Variants in LINGO2 observed in about 807,000 individuals in gnomAD.
LINGO2 encodes leucine rich repeat and Ig domain containing 2, also known as leucine-rich repeat and immunoglobulin-like domain-containing nogo receptor-interacting protein 2.
A neutral mutation model predicts 30.6 loss-of-function variants in LINGO2; 14 were observed. The ratio of observed to expected loss-of-function variants is 0.46; its 90% CI spans 0.30 to 0.72. LINGO2 has a LOEUF of 0.72. LINGO2 is among the 30% of genes least tolerant of loss of function. The pLI is 0.07. For synonymous variants in LINGO2, 317 were observed against 288.5 expected (o/e 1.10, Z -1.00); for missense variants, 729 against 751.7 (o/e 0.97, Z 0.35).
chr9:28,014,087 T>G (rs1228017995), intron 4 of LINGO2, among the ~76,000 whole-genome samples: 1 of 152,160 alleles, frequency 6.6e-6, no homozygotes, highest in East Asian at 1.9e-4. Context: ...TTGCCACCAC[T>G]GTGTAGGACG....
intron 4 of LINGO2, among the ~76,000 whole-genome samples, chr9:28,173,515 A>T (rs1440073729): frequency 1.3e-5 from 2 of 152,182 alleles, no homozygotes; most frequent in African/African-American, 4.8e-5. Flanking sequence ...CCAATAGACC[A>T]TAAGATGAGC....
chr9:28,100,211 T>C (rs998956812), intron 4 of LINGO2, among the ~76,000 whole-genome samples: 4 of 152,142 alleles, frequency 2.6e-5, no homozygotes, highest in African/African-American at 9.7e-5. Flanking sequence ...AAATCATGAA[T>C]AAAATCAATA....
At chr9:29,158,404 ACTT>A in the LINGO2 span, among the ~76,000 whole-genome samples, 5,057 of 152,144 alleles carry the variant, frequency 0.033, 260 homozygotes, top group African/African-American at 0.11. Flanking sequence ...TCCTTCTATA[ACTT>A]TAGTGATACT....
the LINGO2 span, among the ~76,000 whole-genome samples, chr9:29,083,198 G>C: frequency 6.6e-6 from 1 of 152,152 alleles, no homozygotes; most frequent in African/African-American, 2.4e-5. Context: ...GTCCATCAAT[G>C]ATAGACTGGA....
chr9:28,169,197 T>C (rs746748425), intron 4 of LINGO2, among the ~76,000 whole-genome samples: 1 of 152,112 alleles, frequency 6.6e-6, no homozygotes, highest in Non-Finnish European at 1.5e-5. Flanking sequence ...CTCAATTCAC[T>C]CTCCCACATA....
intron 4 of LINGO2, among the ~76,000 whole-genome samples, chr9:28,094,469 G>A (rs919048426): frequency 6.6e-6 from 1 of 151,850 alleles, no homozygotes; most frequent in African/African-American, 2.4e-5. Flanking sequence ...AAAATCTGTT[G>A]AGCTGTATTT....
intron 4 of LINGO2, among the ~76,000 whole-genome samples, chr9:28,117,353 G>C (rs1826944022): frequency 7.3e-6 from 1 of 136,486 alleles, no homozygotes; most frequent in Non-Finnish European, 1.6e-5. Context: ...AGAGGTTACT[G>C]CTGTCTTTTT....
the LINGO2 span, among the ~76,000 whole-genome samples, chr9:29,121,389 C>G: frequency 6.6e-6 from 1 of 152,024 alleles, no homozygotes; most frequent in Non-Finnish European, 1.5e-5. Flanking sequence ...ATGAATTAAG[C>G]AAAAGCTCTC....
chr9:28,837,820 A>G, the LINGO2 span, among the ~76,000 whole-genome samples: 2 of 150,762 alleles, frequency 1.3e-5, no homozygotes, highest in Admixed American at 6.6e-5. Context: ...CCAGAGAAGG[A>G]TAAGTTAGAA....
chr9:28,681,369 G>A, the LINGO2 span, among the ~76,000 whole-genome samples: 3 of 152,134 alleles, frequency 2.0e-5, no homozygotes, highest in Non-Finnish European at 4.4e-5. Context: ...TCTGAGAAGG[G>A]GCAATGATAG....
At position 28,561,766 on chromosome 9, in the gene LINGO2, T is replaced by C. The variant is rs58387420; in HGVS notation, c.-364-85741A>G. On this transcript the variant is annotated intron_variant, in intron 1 of 5. Transcript: ENST00000379992. ...GTGTGTGTGTATATATATATATATATATATATATATATATAAAAAATATGC... is the reference window on the plus strand; with the variant it reads ...GTGTGTGTGTATATATATATATATACATATATATATATATAAAAAATATGC... Among the ~76,000 whole-genome samples the C allele has an allele frequency of 4.4e-4, 60 of 137,326 alleles. 2 individuals carry two copies. Among genetic ancestry groups the C allele is most frequent in the Middle Eastern group, 7.4e-3 (2 of 272 alleles). The allele number at this position is 137,326 out of a possible 152,430, so 90.1% of individuals were successfully genotyped here. A position where few individuals can be genotyped will look rare whatever the true frequency, so the allele number is the denominator to read the frequency against.
rs562823586 is a variant in LINGO2 at position 28,370,237 on chromosome 9, C to A, written c.-246+2599G>T. Among the ~76,000 whole-genome samples, 99 of 152,326 alleles carry A rather than the reference C, an allele frequency of 6.5e-4. 1 individual carries two copies. Among genetic ancestry groups the A allele is most frequent in the Middle Eastern group, 6.8e-3 (2 of 294 alleles). On this transcript the variant is annotated intron_variant, in intron 3 of 5. Coordinates refer to ENST00000379992, the Ensembl canonical transcript of LINGO2. ...ACATTTTCAGTAGGCATTCTCTATT[C>A]TCTTCAGTCGCTCTAATGGTTTACC...
At chr9:28,815,499 C>T in the LINGO2 span, among the ~76,000 whole-genome samples, 1 of 152,046 alleles carries the variant, frequency 6.6e-6, no homozygotes, top group African/African-American at 2.4e-5. Context: ...CATCCATTAA[C>T]TCAAAAAGCT....
chr9:27,965,390 G>A (rs1820050817), intron 5 of LINGO2, among the ~76,000 whole-genome samples: 1 of 148,288 alleles, frequency 6.7e-6, no homozygotes, highest in South Asian at 2.1e-4. Context: ...TTAAAAAGCA[G>A]ATTTTTTCCA....
intron 2 of LINGO2, among the ~76,000 whole-genome samples, chr9:28,466,120 T>TC (rs35554576): frequency 2.0e-5 from 3 of 151,818 alleles, no homozygotes; most frequent in African/African-American, 7.3e-5. Context: ...AGGTAGATAC[T>TC]CCCCCAAAAA....
chr9:29,018,090 T>TA, the LINGO2 span, among the ~76,000 whole-genome samples: 893 of 16,368 alleles, frequency 0.055, 11 homozygotes, highest in African/African-American at 0.099. Context: ...AAATATACAT[T>TA]TTATATATAT....
the LINGO2 span, among the ~76,000 whole-genome samples, chr9:28,677,598 C>A: frequency 1.3e-5 from 2 of 152,164 alleles, no homozygotes; most frequent in Non-Finnish European, 2.9e-5. Flanking sequence ...AGTGGATTCA[C>A]ACTCTCACCT....
chr9:28,754,890 C>CAGA, the LINGO2 span, among the ~76,000 whole-genome samples: 2 of 151,974 alleles, frequency 1.3e-5, no homozygotes, highest in African/African-American at 4.8e-5. Context: ...CTCAGCCTCT[C>CAGA]AAAGTCCTGG....
At chr9:28,934,197 C>T in the LINGO2 span, among the ~76,000 whole-genome samples, 2 of 152,196 alleles carry the variant, frequency 1.3e-5, no homozygotes, top group African/African-American at 4.8e-5. Context: ...CTTGCCCACA[C>T]ATGACTTTAA....
Sources: allele counts gnomAD v4.1 joint callset (sites outside exome capture counted in the v4.1 genomes callset), GRCh38; gene constraint gnomAD v4.1.1; transcripts MANE v1.5; gene names NCBI Gene and HGNC (gene_info 2026-07-23, HGNC 2026-07-21).